TASP1: variants seen among roughly 807,000 people sequenced by gnomAD.
TASP1 encodes threonine aspartase 1.
TASP1 carries 16 observed loss-of-function variants against 56.6 expected under a neutral mutation model. The observed-to-expected ratio is 0.28, with a 90% CI of 0.19 to 0.43. TASP1 has a LOEUF of 0.43. Among genes scored for constraint, TASP1 ranks in the 20% least tolerant of loss-of-function variants. The pLI is 1.00. For missense variants in TASP1, 393 were observed against 511.6 expected (o/e 0.77, Z 2.24); for synonymous variants, 179 against 184.2 (o/e 0.97, Z 0.23).
chr20:13,563,090 AT>A (rs1425207453), intron 7 of TASP1, among the ~76,000 whole-genome samples: 7 of 150,340 alleles, frequency 4.7e-5, no homozygotes, highest in Admixed American at 1.3e-4. Flanking sequence ...TAGAGATATA[AT>A]TTTTTTGAGA....
intron 11 of TASP1, among the ~76,000 whole-genome samples, chr20:13,452,982 T>C (rs1283296683): frequency 6.6e-6 from 1 of 152,048 alleles, no homozygotes; most frequent in Non-Finnish European, 1.5e-5. Flanking sequence ...ATGATGTCCC[T>C]AACAGGCAGT....
At chr20:13,109,397 C>T in the TASP1 span, among the ~76,000 whole-genome samples, 7 of 152,140 alleles carry the variant, frequency 4.6e-5, no homozygotes, top group African/African-American at 1.7e-4. Flanking sequence ...TATGATAGAC[C>T]TCAGGCAGTT....
At chr20:13,432,518 A>G (rs11696499) in intron 12 of TASP1, among the ~76,000 whole-genome samples, 1,826 of 152,300 alleles carry the variant, frequency 0.012, 17 homozygotes, top group Non-Finnish European at 0.021. Flanking sequence ...CTTCACATTC[A>G]TAACTTTTAT....
At chr20:13,481,009 C>T (rs1272280827) in intron 11 of TASP1, among the ~76,000 whole-genome samples, 1 of 152,038 alleles carries the variant, frequency 6.6e-6, no homozygotes, top group East Asian at 1.9e-4. Flanking sequence ...TTATTATTGG[C>T]CATAGTCACC....
the TASP1 span, among the ~76,000 whole-genome samples, chr20:13,293,970 A>G: frequency 6.6e-6 from 1 of 151,754 alleles, no homozygotes; most frequent in Non-Finnish European, 1.5e-5. Flanking sequence ...GTGAAACTCC[A>G]TCTCAAAAAA....
chr20:13,358,888 TCCTTGTCTCTACC>T, the TASP1 span, among the ~76,000 whole-genome samples: 1 of 149,842 alleles, frequency 6.7e-6, no homozygotes, highest in Non-Finnish European at 1.5e-5. Flanking sequence ...ACCCCTTCTC[TCCTTGTCTCTACC>T]CCTTCTCTGC....
chr20:13,241,604 C>G, the TASP1 span, among the ~76,000 whole-genome samples: 4 of 152,130 alleles, frequency 2.6e-5, no homozygotes, highest in African/African-American at 7.2e-5. Flanking sequence ...GAGTTACCAT[C>G]TCATGACTCC....
intron 10 of TASP1, among the ~76,000 whole-genome samples, chr20:13,516,245 G>C (rs1231334473): frequency 6.6e-6 from 1 of 152,052 alleles, no homozygotes; most frequent in African/African-American, 2.4e-5. Context: ...GCAAACCCAC[G>C]AAGGCCTTGA....
At position 13,528,440 on chromosome 20, in the gene TASP1, A is replaced by G; in HGVS notation, c.867T>C (p.Ser289=). 6.2e-7 allele frequency: 1 copy of G among 1,608,444 alleles called. No homozygotes were observed. Among genetic ancestry groups the G allele is most frequent in the Non-Finnish European group, 8.5e-7 (1 of 1,176,284 alleles). ...TATGAAAGCAGCAAATACCTGAGGT[A>G]CTCACAGCTGTGGAGTAGGGGTTAT... The part of the protein sequence containing the change: ...GAHNPYSTAV[S]TSGCGEHLVR... Residue 289 remains serine (S), a synonymous_variant, in exon 10 of 14, where the codon AGT becomes AGC. Coordinates refer to ENST00000337743, the MANE Select transcript of TASP1 (RefSeq NM_017714.3).
At chr20:13,387,811 C>T (rs533731942), downstream of TASP1, among the ~76,000 whole-genome samples, 21 of 152,336 alleles carry the variant, frequency 1.4e-4, 1 homozygote, top group African/African-American at 4.8e-4. Context: ...TTCTCCACAT[C>T]AAGTTCACAT....
At chr20:13,221,212 C>CCCTCCTCCTCCT in the TASP1 span, among the ~76,000 whole-genome samples, 207 of 78,714 alleles carry the variant, frequency 2.6e-3, 9 homozygotes, top group South Asian at 6.2e-3. Context: ...GCAGCTGAAG[C>CCCTCCTCCTCCT]CCTCCTACTC....
intron 10 of TASP1, among the ~76,000 whole-genome samples, chr20:13,521,618 A>C: frequency 8.8e-6 from 1 of 114,120 alleles, no homozygotes; most frequent in Admixed American, 1.2e-4. Context: ...AACATCACAC[A>C]CCGGGGCTTG....
Position 13,629,959 on chromosome 20 carries a change from T to C in TASP1, c.120A>G (p.Arg40=), listed in dbSNP as rs902166120. ...LETKQSYKEK[R]GGFVLVHAGA... is the part of the protein sequence containing the mutation. Reference sequence around the variant, plus strand: ...CTGCATGCACCAACACAAAGCCTCCTCGTTTCTCTTTATAGGACTGCTTTG... The same window carrying C: ...CTGCATGCACCAACACAAAGCCTCCCCGTTTCTCTTTATAGGACTGCTTTG... The change falls in exon 2 of 14, where the codon CGA becomes CGG. Residue 40 remains arginine (R), a synonymous_variant. Coordinates refer to ENST00000337743, the MANE Select transcript of TASP1 (RefSeq NM_017714.3). 5.0e-6 allele frequency: 8 copies of C among 1,613,818 alleles called. No individual in the cohort carries two copies. Among genetic ancestry groups the C allele is most frequent in the Admixed American group, 3.3e-5 (2 of 59,944 alleles).
intron 4 of TASP1, among the ~76,000 whole-genome samples, chr20:13,610,501 C>T (rs2048315125): frequency 1.3e-5 from 2 of 152,232 alleles, no homozygotes; most frequent in South Asian, 4.2e-4. Flanking sequence ...ATTCATGAAG[C>T]TGTCCCCTTA....
chr20:13,140,143 T>G, the TASP1 span, among the ~76,000 whole-genome samples: 2 of 152,272 alleles, frequency 1.3e-5, no homozygotes, highest in East Asian at 3.9e-4. Flanking sequence ...GAGGGGAGAA[T>G]GTATATTTTG....
At chr20:13,262,457 T>C in the TASP1 span, among the ~76,000 whole-genome samples, 2 of 152,004 alleles carry the variant, frequency 1.3e-5, no homozygotes, top group Admixed American at 6.5e-5. Context: ...GGGTTTGTTT[T>C]TCTTTTTCTT....
At chr20:13,572,124 T>C (rs2046736425) in intron 6 of TASP1, among the ~76,000 whole-genome samples, 2 of 152,202 alleles carry the variant, frequency 1.3e-5, no homozygotes, top group South Asian at 4.1e-4. Context: ...CTGTATAAAG[T>C]CCTTAAAAGC....
chr20:13,541,441 C>T (rs914046387), intron 8 of TASP1, among the ~76,000 whole-genome samples: 4 of 152,066 alleles, frequency 2.6e-5, no homozygotes, highest in East Asian at 1.9e-4. Context: ...TAATAAAGTC[C>T]GTAAGGGGCA....
At chr20:13,345,072 A>G in the TASP1 span, among the ~76,000 whole-genome samples, 33 of 152,250 alleles carry the variant, frequency 2.2e-4, no homozygotes, top group South Asian at 5.4e-3. Flanking sequence ...ATGCCTAGAA[A>G]CATCAACCTG....
Sources: gnomAD v4.1 joint callset for allele counts (sites outside exome capture counted in the v4.1 genomes callset) on GRCh38, gnomAD v4.1.1 for gene constraint, MANE v1.5 for transcripts, NCBI Gene and HGNC (gene_info 2026-07-23, HGNC 2026-07-21) for gene names.